PPP3CC: variants seen among roughly 807,000 people sequenced by gnomAD.
PPP3CC encodes serine/threonine-protein phosphatase 2B catalytic subunit gamma isoform.
PPP3CC carries 35 observed loss-of-function variants against 60.3 expected under a neutral mutation model. The ratio of observed to expected loss-of-function variants is 0.58; its 90% CI spans 0.44 to 0.77. The LOEUF (loss-of-function observed/expected upper bound fraction) is 0.77. Ranked by LOEUF, PPP3CC falls within the 30% of genes least tolerant of loss-of-function variation. The pLI, the probability that PPP3CC is intolerant of heterozygous loss-of-function variation, is 0.00. For synonymous variants in PPP3CC, 206 were observed against 224.3 expected (o/e 0.92, Z 0.73); for missense variants, 570 against 628.9 (o/e 0.91, Z 1.00).
At chr8:22,527,622 G>T in intron 9 of PPP3CC, 105 bp downstream of exon 9, 11 of 1,345,152 alleles carry the variant, frequency 8.2e-6, no homozygotes, top group South Asian at 4.5e-5. Context: ...AATTTTGTTT[G>T]TTCTCTACAT....
intron 10 of PPP3CC, among the ~76,000 whole-genome samples, chr8:22,531,874 T>A (rs546184075): frequency 2.6e-5 from 4 of 152,342 alleles, no homozygotes; most frequent in South Asian, 2.1e-4. Context: ...TCAAAAGACA[T>A]CTTTGCTGTA....
intron 1 of PPP3CC, among the ~76,000 whole-genome samples, chr8:22,469,732 G>C (rs1334812193): frequency 6.6e-6 from 1 of 152,100 alleles, no homozygotes; most frequent in Non-Finnish European, 1.5e-5. Flanking sequence ...AAAGCTTTCA[G>C]GTAATTCCAG....
At chr8:22,472,702 C>CT (rs1228767060) in intron 1 of PPP3CC, among the ~76,000 whole-genome samples, 1 of 152,004 alleles carries the variant, frequency 6.6e-6, no homozygotes, top group African/African-American at 2.4e-5. Flanking sequence ...TAATGAAAAC[C>CT]TTTCTGTTTT....
chr8:22,525,349 T>G (rs1291913911), intron 8 of PPP3CC, among the ~76,000 whole-genome samples: 1 of 152,090 alleles, frequency 6.6e-6, no homozygotes, highest in Admixed American at 6.5e-5. Context: ...TACAAGTGCC[T>G]TCTTTTCTGA....
At chr8:22,524,353 C>T (rs771057175) in intron 8 of PPP3CC, among the ~76,000 whole-genome samples, 3 of 152,044 alleles carry the variant, frequency 2.0e-5, no homozygotes, top group Non-Finnish European at 2.9e-5. Flanking sequence ...CATTTAAATC[C>T]GATTTGGGTC....
rs11407310 is a variant in PPP3CC at position 22,506,268 on chromosome 8, CA to C, written c.485-4809del. 7.3e-5 allele frequency among the ~76,000 whole-genome samples: 11 copies of C among 150,380 alleles called. 1 individual carries two copies. Among genetic ancestry groups the C allele is most frequent in the African/African-American group, 2.2e-4 (9 of 40,958 alleles). Reference sequence around the variant, plus strand: ...CTGGGCATGTAACAAGACCCCATTTCAAAAAAAAAGAAGAAACAGCATGAAG... The same window carrying C: ...CTGGGCATGTAACAAGACCCCATTTCAAAAAAAAGAAGAAACAGCATGAAG... On this transcript the variant is annotated intron_variant, in intron 4 of 13. Coordinates refer to ENST00000240139, the MANE Select transcript of PPP3CC (RefSeq NM_005605.5).
At chr8:22,501,824 C>A (rs1398312096) in intron 4 of PPP3CC, among the ~76,000 whole-genome samples, 1 of 151,990 alleles carries the variant, frequency 6.6e-6, no homozygotes, top group Admixed American at 6.6e-5. Flanking sequence ...CCAGCCTGGG[C>A]AACATAGTGA....
chr8:22,495,042 G>A (rs754800420), intron 3 of PPP3CC, among the ~76,000 whole-genome samples: 10 of 152,018 alleles, frequency 6.6e-5, no homozygotes, highest in Non-Finnish European at 1.0e-4. Flanking sequence ...CAAACTCCTC[G>A]CCTCAAGGGA....
chr8:22,463,974 G>A (rs1160032218), intron 1 of PPP3CC, among the ~76,000 whole-genome samples: 7 of 152,056 alleles, frequency 4.6e-5, no homozygotes, highest in Admixed American at 3.3e-4. Flanking sequence ...TTTTAAGAGA[G>A]ATGGGGTTTC....
chr8:22,442,175 T>C (rs1436395293), intron 1 of PPP3CC, among the ~76,000 whole-genome samples: 1 of 152,246 alleles, frequency 6.6e-6, no homozygotes, highest in African/African-American at 2.4e-5. Context: ...TGTTTCTCCC[T>C]TTAAACTAAG....
intron 5 of PPP3CC, 151 bp from the exon 6 acceptor site, chr8:22,513,142 C>T: frequency 1.8e-6 from 1 of 559,098 alleles, no homozygotes; most frequent in Non-Finnish European, 2.8e-6. Flanking sequence ...TTAAGTGTTC[C>T]TTTTCTTGCA....
At chr8:22,534,275 G>A (rs1299439220) in intron 12 of PPP3CC, among the ~76,000 whole-genome samples, 2 of 151,832 alleles carry the variant, frequency 1.3e-5, no homozygotes, top group African/African-American at 4.8e-5. Flanking sequence ...AAAAGTTTGG[G>A]CCAGGGCATG....
At chr8:22,463,196 T>G (rs556019308) in intron 1 of PPP3CC, among the ~76,000 whole-genome samples, 8 of 152,326 alleles carry the variant, frequency 5.3e-5, no homozygotes, top group Admixed American at 4.6e-4. Context: ...ATCAGTGGCT[T>G]CTGGCATCTG....
chr8:22,473,488 G>T (rs1837793163), intron 1 of PPP3CC, among the ~76,000 whole-genome samples: 1 of 150,280 alleles, frequency 6.7e-6, no homozygotes, highest in Non-Finnish European at 1.5e-5. Context: ...TTTTGAAACG[G>T]AGTCTTGCTC....
In PPP3CC at chr8:22,522,599, G is replaced by A. The variant is rs137955781; in HGVS notation, c.848+31G>A. 3.4e-5 allele frequency: 54 copies of A among 1,592,640 alleles called. No individual in the cohort carries two copies. In the Admixed American group the frequency reaches 6.7e-4, roughly 20 times the overall value. On this transcript the variant is annotated intron_variant, in intron 7 of 13. Transcript: ENST00000240139. ...TTACATTAAAATTGTACCAAATATCGCTGCAGAGTCTTTGCATTTAATATG... is the reference window on the plus strand; with the variant it reads ...TTACATTAAAATTGTACCAAATATCACTGCAGAGTCTTTGCATTTAATATG...
At chr8:22,519,744 TC>T (rs1391784192) in intron 6 of PPP3CC, among the ~76,000 whole-genome samples, 18 of 152,192 alleles carry the variant, frequency 1.2e-4, no homozygotes, top group Non-Finnish European at 2.4e-4. Flanking sequence ...AGCCTCTGCC[TC>T]CCGGGTTCAA....
rs113087806 is a variant in PPP3CC, at chr8:22,536,584, C to A, written c.1322-2885C>A. Among the ~76,000 whole-genome samples the A allele has an allele frequency of 4.2e-3, 637 of 152,260 alleles. 11 individuals are homozygous for A. Among genetic ancestry groups the A allele is most frequent in the Non-Finnish European group, 2.1e-3 (143 of 68,028 alleles). On this transcript the variant is annotated intron_variant, in intron 12 of 13. Coordinates refer to ENST00000240139, the MANE Select transcript of PPP3CC (RefSeq NM_005605.5). Reference sequence around the variant, plus strand: ...TATGAGTGTTTTAATCAAGATAGGACCATTGATTGATACTTCCAAAGTTGA... The same window carrying A: ...TATGAGTGTTTTAATCAAGATAGGAACATTGATTGATACTTCCAAAGTTGA...
intron 1 of PPP3CC, among the ~76,000 whole-genome samples, chr8:22,471,785 T>G (rs1837730107): frequency 6.6e-6 from 1 of 151,648 alleles, no homozygotes; most frequent in South Asian, 2.1e-4. Flanking sequence ...ACTGGAGACT[T>G]TATAAACTTT....
intron 13 of PPP3CC, among the ~76,000 whole-genome samples, chr8:22,540,150 C>T (rs1839927375): frequency 6.6e-6 from 1 of 152,126 alleles, no homozygotes; most frequent in Non-Finnish European, 1.5e-5. Flanking sequence ...GAAAGCTGTC[C>T]TAAACGAAAA....
Sources: gnomAD v4.1 joint callset for allele counts (sites outside exome capture counted in the v4.1 genomes callset) on GRCh38, gnomAD v4.1.1 for gene constraint, MANE v1.5 for transcripts, NCBI Gene and HGNC (gene_info 2026-07-23, HGNC 2026-07-21) for gene names.